TRIM44: variants seen among roughly 807,000 people sequenced by gnomAD.
TRIM44 encodes tripartite motif-containing protein 44.
TRIM44 carries 13 observed loss-of-function variants against 37.4 expected under a neutral mutation model. The ratio of observed to expected loss-of-function variants is 0.35; its 90% CI spans 0.23 to 0.55. The LOEUF is 0.55. Ranked by LOEUF, TRIM44 falls within the 20% of genes least tolerant of loss-of-function variation. TRIM44 has a pLI of 0.89. For synonymous variants in TRIM44, 175 were observed against 157.2 expected, an observed-to-expected ratio of 1.11 and a Z score of -0.85; for missense variants, 426 against 437.2, an observed-to-expected ratio of 0.97 and a Z score of 0.23.
At chr11:35,736,619 C>T (rs1852328919) in intron 4 of TRIM44, among the ~76,000 whole-genome samples, 1 of 152,194 alleles carries the variant, frequency 6.6e-6, no homozygotes, top group South Asian at 2.1e-4. Context: ...ATCTGCATCT[C>T]TTGGTGTGTT....
At chr11:35,734,633 C>T (rs931893856) in intron 3 of TRIM44, among the ~76,000 whole-genome samples, 3 of 152,148 alleles carry the variant, frequency 2.0e-5, no homozygotes, top group African/African-American at 7.2e-5. Flanking sequence ...TTGGGAAAGG[C>T]TTGAGAGTTA....
At chr11:35,742,772 TTACA>T (rs1353448652) in intron 4 of TRIM44, among the ~76,000 whole-genome samples, 2 of 103,364 alleles carry the variant, frequency 1.9e-5, no homozygotes, top group African/African-American at 8.2e-5. Flanking sequence ...GTATTATATA[TTACA>T]TATAAATATA....
chr11:35,771,678 T>G (rs1333161644), intron 4 of TRIM44, among the ~76,000 whole-genome samples: 5 of 149,756 alleles, frequency 3.3e-5, no homozygotes, highest in Non-Finnish European at 7.4e-5. Context: ...TGAGCCAAGA[T>G]CATGCCACTG....
intron 2 of TRIM44, among the ~76,000 whole-genome samples, chr11:35,704,865 A>G (rs1221269853): frequency 6.6e-6 from 1 of 152,046 alleles, no homozygotes; most frequent in Non-Finnish European, 1.5e-5. Flanking sequence ...AATGAGCAAA[A>G]TAACCAGCTA....
At chr11:35,713,154 C>A (rs1237396563) in intron 2 of TRIM44, among the ~76,000 whole-genome samples, 1 of 152,174 alleles carries the variant, frequency 6.6e-6, no homozygotes, top group Non-Finnish European at 1.5e-5. Context: ...GGTCTTTACA[C>A]CTACGAAGAG....
intron 4 of TRIM44, among the ~76,000 whole-genome samples, chr11:35,764,115 T>G (rs1327727189): frequency 6.6e-6 from 1 of 152,222 alleles, no homozygotes; most frequent in African/African-American, 2.4e-5. Context: ...TATCTCTTGC[T>G]TGCTCCTTCT....
Position 35,749,732 on chromosome 11 carries a change from T to G in TRIM44, c.1007+14287T>G, listed in dbSNP as rs568202555. Among the ~76,000 whole-genome samples, 11 of 152,348 alleles carry G rather than the reference T, an allele frequency of 7.2e-5. 1 individual carries two copies. In the South Asian group the frequency reaches 2.3e-3, roughly 32 times the overall value. The stretch of plus-strand genomic sequence containing the variant: ...GGTTGATAATCACTATTTAAAACTA[T>G]GAGGTTACCCTTGATTTTCCAGAGG... On this transcript the variant is annotated intron_variant, in intron 4 of 4. Transcript: ENST00000299413.
chr11:35,788,554 C>G (rs569500955), intron 4 of TRIM44, among the ~76,000 whole-genome samples: 15 of 152,316 alleles, frequency 9.8e-5, no homozygotes, highest in African/African-American at 3.4e-4. Flanking sequence ...ATTTGAGAGT[C>G]TGGTTTTGGC....
chr11:35,800,363 G>A (rs1430920495), intron 4 of TRIM44, among the ~76,000 whole-genome samples: 1 of 152,186 alleles, frequency 6.6e-6, no homozygotes, highest in Admixed American at 6.5e-5. Context: ...TGCTGGCTCA[G>A]GTGGCCAGCT....
At chr11:35,785,773 A>G (rs1279098821) in intron 4 of TRIM44, among the ~76,000 whole-genome samples, 2 of 152,240 alleles carry the variant, frequency 1.3e-5, no homozygotes, top group Non-Finnish European at 2.9e-5. Flanking sequence ...AGCCATTTGC[A>G]TCAATTCATC....
chr11:35,671,085 A>T (rs1851388467), intron 1 of TRIM44, among the ~76,000 whole-genome samples: 1 of 152,236 alleles, frequency 6.6e-6, no homozygotes, highest in Non-Finnish European at 1.5e-5. Context: ...TTCAGCAAGT[A>T]TTGAGAATCA....
intron 4 of TRIM44, among the ~76,000 whole-genome samples, chr11:35,748,115 G>C (rs747684549): frequency 2.0e-5 from 3 of 152,066 alleles, no homozygotes; most frequent in Admixed American, 1.3e-4. Context: ...AGATTGTCAC[G>C]TAGGCTGTGA....
chr11:35,689,188 C>T (rs1267688087), intron 2 of TRIM44, among the ~76,000 whole-genome samples: 2 of 152,094 alleles, frequency 1.3e-5, no homozygotes, highest in Non-Finnish European at 2.9e-5. Flanking sequence ...ATCAAAGCTC[C>T]CTGCCATGGT....
intron 4 of TRIM44, among the ~76,000 whole-genome samples, chr11:35,755,820 T>G (rs4543963): frequency 6.7e-6 from 1 of 148,932 alleles, no homozygotes. Flanking sequence ...GTTGTAGATA[T>G]GCGGCGTTAT....
rs953857905 is a variant in TRIM44 at position 35,807,889 on chromosome 11, A to C, written c.*1504A>C. 5.9e-5 allele frequency: 9 copies of C among 152,172 alleles called. No homozygotes were observed. The highest frequency in any genetic ancestry group is 3.9e-4 in the Admixed American group (6 of 15,268). The allele number at this position is 152,172 out of a possible 1,614,324, so 9.4% of individuals were successfully genotyped here. A position where few individuals can be genotyped will look rare whatever the true frequency, so the allele number is the denominator to read the frequency against. The stretch of plus-strand genomic sequence containing the variant: ...CTGTTAACCCAGGGCCTAGACTTCT[A>C]GTGCCTCTGAGGCAGAACCAAAGGA... On this transcript the variant is annotated 3_prime_UTR_variant, in exon 5 of 5. Coordinates refer to ENST00000299413, the MANE Select transcript of TRIM44 (RefSeq NM_017583.6).
chr11:35,799,157 A>C (rs929310905), intron 4 of TRIM44, among the ~76,000 whole-genome samples: 7 of 152,248 alleles, frequency 4.6e-5, no homozygotes, highest in African/African-American at 1.7e-4. Flanking sequence ...TCCCTATTGC[A>C]GGGCACTGCC....
intron 2 of TRIM44, among the ~76,000 whole-genome samples, chr11:35,699,793 T>C (rs931619975): frequency 1.5e-4 from 23 of 151,972 alleles, no homozygotes; most frequent in Non-Finnish European, 2.8e-4. Context: ...ATCACAAGCA[T>C]TCTTATACAC....
chr11:35,797,434 C>G (rs892487793), intron 4 of TRIM44, among the ~76,000 whole-genome samples: 37 of 152,184 alleles, frequency 2.4e-4, no homozygotes, highest in African/African-American at 8.9e-4. Flanking sequence ...ATAGGTGGCT[C>G]GTAGTGACTT....
intron 4 of TRIM44, among the ~76,000 whole-genome samples, chr11:35,792,376 A>G (rs1853227093): frequency 6.6e-6 from 1 of 152,240 alleles, no homozygotes; most frequent in Admixed American, 6.5e-5. Flanking sequence ...GATGTTAAAT[A>G]GCTTTGCCAA....
Sources: allele counts gnomAD v4.1 joint callset (sites outside exome capture counted in the v4.1 genomes callset), GRCh38; gene constraint gnomAD v4.1.1; transcripts MANE v1.5; gene names NCBI Gene and HGNC (gene_info 2026-07-23, HGNC 2026-07-21).